KLHL23: variants seen among roughly 807,000 people sequenced by gnomAD.
The protein encoded by KLHL23 is kelch like family member 23, also known as kelch-like protein 23.
Under a neutral mutation model 48.9 loss-of-function variants are expected in KLHL23, and 33 were observed. The observed-to-expected ratio is 0.67, with a 90% confidence interval of 0.51 to 0.90. The LOEUF (loss-of-function observed/expected upper bound fraction) is 0.90, where lower values mean the gene tolerates loss of function less well. KLHL23 is among the 40% of genes least tolerant of loss of function. KLHL23 has a pLI of 0.00. For missense variants in KLHL23, 608 were observed against 669.6 expected, an observed-to-expected ratio of 0.91 and a Z score of 1.02; for synonymous variants, 234 against 231.6, an observed-to-expected ratio of 1.01 and a Z score of -0.09.
chr2:169,748,605 C>G lies in KLHL23; in HGVS notation c.1367-817C>G, dbSNP rs189411871. On this transcript the variant is annotated intron_variant, in intron 3 of 3. Coordinates refer to ENST00000392647, the MANE Select transcript of KLHL23 (RefSeq NM_144711.6). ...AAATGACTCACAGAGTTCTGCCTCC[C>G]TGCATTTTGCACCCTAAGCACTTCG... 3.6e-4 allele frequency among the ~76,000 whole-genome samples: 55 copies of G among 152,258 alleles called. 1 individual carries two copies. The highest frequency in any genetic ancestry group is 1.2e-3 in the African/African-American group (51 of 41,558).
Position 169,735,193 on chromosome 2 carries a change from A to T in KLHL23, c.179A>T (p.Asn60Ile). Residue 60 changes from asparagine to isoleucine, a missense_variant, in exon 2 of 4, where the codon AAT becomes ATT. Physicochemically the swap from Asn to Ile is moderately radical, Grantham distance 149. Coordinates refer to ENST00000392647, the MANE Select transcript of KLHL23 (RefSeq NM_144711.6). This position sits in a 1 kb window ranked among gnomAD's most constrained non-coding sequence, Gnocchi z 4.5. ...CGAGCCGTTTTAGCTGCTTGCAGCA[A>T]TTATTTTAAGGCAATGTTCACAGCT... ...CHRAVLAACSNYFKAMFTADM... is the reference protein window; with the variant it reads ...CHRAVLAACSIYFKAMFTADM... 1 of 1,610,394 alleles carries T rather than the reference A, an allele frequency of 6.2e-7. No homozygotes were observed. Among genetic ancestry groups the T allele is most frequent in the Non-Finnish European group, 8.5e-7 (1 of 1,179,212 alleles).
At chr2:169,744,951 T>A (rs1347343463) in intron 3 of KLHL23, among the ~76,000 whole-genome samples, 1 of 151,696 alleles carries the variant, frequency 6.6e-6, no homozygotes, top group Non-Finnish European at 1.5e-5. Flanking sequence ...TTGTTTTTTT[T>A]TTTTTAAAGA....
At position 169,750,060 on chromosome 2, in the gene KLHL23, G is replaced by GTGTATATATACGTTTGTATGTATACATA. The variant is rs1688927693; in HGVS notation, c.*329_*330insGTATATATACGTTTGTATGTATACATAT. On this transcript the variant is annotated 3_prime_UTR_variant, in exon 4 of 4. Transcript: ENST00000392647. The stretch of plus-strand genomic sequence containing the variant: ...GTATATATAGTATGTATGTATACAT[G>GTGTATATATACGTTTGTATGTATACATA]TATGTGTATATATACGTATGTATGT... 4.9e-5 allele frequency: 1 copy of GTGTATATATACGTTTGTATGTATACATA among 20,248 alleles called. No individual in the cohort carries two copies. The highest frequency in any genetic ancestry group is 1.5e-4 in the African/African-American group (1 of 6,552). 1.3% of individuals were successfully genotyped at this position (20,248 alleles called of 1,614,324 possible). A position where few individuals can be genotyped will look rare whatever the true frequency, so the allele number is the denominator to read the frequency against.
At chr2:169,745,513 CAAAAAA>C (rs1157957265) in intron 3 of KLHL23, among the ~76,000 whole-genome samples, 25 of 63,648 alleles carry the variant, frequency 3.9e-4, no homozygotes, top group African/African-American at 6.8e-4. Context: ...GACTCCGTCT[CAAAAAA>C]AAAAAAAAAA....
At chr2:169,747,229 T>G (rs1688811464) in intron 3 of KLHL23, among the ~76,000 whole-genome samples, 1 of 151,724 alleles carries the variant, frequency 6.6e-6, no homozygotes, top group Admixed American at 6.6e-5. Flanking sequence ...CCAGGCATGG[T>G]GGTGCGCACC....
intron 3 of KLHL23, among the ~76,000 whole-genome samples, chr2:169,743,289 A>G (rs1026535972): frequency 3.9e-5 from 6 of 152,244 alleles, no homozygotes; most frequent in African/African-American, 1.2e-4. Context: ...CAGATTTCAT[A>G]TAGCTTATTA....
At position 169,734,046 on chromosome 2, in the gene KLHL23, C is replaced by T. The variant is rs1037379752; in HGVS notation, c.-44C>T. On this transcript the variant is annotated 5_prime_UTR_variant, in exon 1 of 4. Transcript: ENST00000392647. The stretch of plus-strand genomic sequence containing the variant: ...GAGGCGTCCCCGCTCCCGCTCGCTA[C>T]TAGCCCGCGGGCCAGCGCCGCGTCC... 1 of 151,654 alleles carries T rather than the reference C, an allele frequency of 6.6e-6. No homozygotes were observed. Among genetic ancestry groups the T allele is most frequent in the Non-Finnish European group, 1.5e-5 (1 of 67,912 alleles). 9.4% of individuals were successfully genotyped at this position (151,654 alleles called of 1,614,324 possible).
intron 3 of KLHL23, among the ~76,000 whole-genome samples, chr2:169,746,962 TA>T (rs1186816188): frequency 4.6e-5 from 7 of 152,178 alleles, no homozygotes; most frequent in Admixed American, 4.6e-4. Context: ...ATTCAACATA[TA>T]AATAACTGGA....
chr2:169,749,680 A>G lies in KLHL23; in HGVS notation c.1625A>G (p.Asn542Ser), dbSNP rs1558951692. ...CTTAATAAGTGGGAAATAGTGGGTA[A>G]TCTTCCCAGTGCCATGCGGTCTCAT... is the stretch of plus-strand genomic sequence containing the variant. Reference protein sequence around the residue: ...PDLNKWEIVGNLPSAMRSHGC... With the variant: ...PDLNKWEIVGSLPSAMRSHGC... The change falls in exon 4 of 4, where the codon AAT becomes AGT. Residue 542 changes from asparagine (N) to serine (S), a missense_variant. Transcript: ENST00000392647. 15 of 1,613,762 alleles carry G rather than the reference A, an allele frequency of 9.3e-6. No individual in the cohort carries two copies. The highest frequency in any genetic ancestry group is 1.3e-5 in the Non-Finnish European group (15 of 1,179,854).
In KLHL23 at chr2:169,738,870, CCCCCTTCCCCTCCCTCT is replaced by C. The variant is rs1439050108; in HGVS notation, c.1214-2512_1214-2496del. 7.4e-3 allele frequency among the ~76,000 whole-genome samples: 11 copies of C among 1,482 alleles called. 1 individual carries two copies. The highest frequency in any genetic ancestry group is 0.013 in the Non-Finnish European group (10 of 796). The allele number at this position is 1,482 out of a possible 152,430, so 1.0% of individuals were successfully genotyped here. A position where few individuals can be genotyped will look rare whatever the true frequency, so the allele number is the denominator to read the frequency against. On this transcript the variant is annotated intron_variant, in intron 2 of 3. Coordinates refer to ENST00000392647, the MANE Select transcript of KLHL23 (RefSeq NM_144711.6). ...CCCCTTCCTCACCCTCCCCTCTCTT[CCCCCTTCCCCTCCCTCT>C]CCTCCCTATCTCCCTTTCATGTTTC...
chr2:169,746,500 A>AAC (rs1688795987), intron 3 of KLHL23, among the ~76,000 whole-genome samples: 1 of 152,200 alleles, frequency 6.6e-6, no homozygotes, highest in African/African-American at 2.4e-5. Context: ...ATTCATGTCT[A>AAC]ACATATCTGC....
intron 2 of KLHL23, among the ~76,000 whole-genome samples, chr2:169,736,674 C>G (rs188798728): frequency 3.9e-5 from 6 of 152,230 alleles, no homozygotes; most frequent in African/African-American, 1.4e-4. Flanking sequence ...GGGGCAGACA[C>G]CATACTCTCC....
chr2:169,745,283 T>C (rs930472838), intron 3 of KLHL23, among the ~76,000 whole-genome samples: 7 of 151,570 alleles, frequency 4.6e-5, no homozygotes, highest in East Asian at 2.0e-4. Context: ...GAGGCCAAGG[T>C]GGGCGGATCA....
intron 2 of KLHL23, 80 bp downstream of exon 2, chr2:169,736,307 A>G (rs1688516936): frequency 1.3e-6 from 2 of 1,497,616 alleles, no homozygotes; most frequent in Non-Finnish European, 1.8e-6. Flanking sequence ...TGAATTTATC[A>G]CTTTGGGATG....
intron 3 of KLHL23, among the ~76,000 whole-genome samples, chr2:169,745,855 T>C (rs1558949892): frequency 6.6e-6 from 1 of 152,256 alleles, no homozygotes; most frequent in Admixed American, 6.5e-5. Flanking sequence ...TTTTATAGTT[T>C]AGAGCAAAGG....
At chr2:169,740,453 C>CTT (rs35510038) in intron 2 of KLHL23, among the ~76,000 whole-genome samples, 51 of 142,390 alleles carry the variant, frequency 3.6e-4, no homozygotes, top group South Asian at 2.0e-3. Flanking sequence ...ATTCTATAAG[C>CTT]TTTTTTTTTT....
Position 169,749,731 on chromosome 2 carries a change from A to G in KLHL23, c.1676A>G (p.Ter559=), listed in dbSNP as rs767649320. The change falls in exon 4 of 4, where the codon TAA becomes TGA. Residue 559 remains the stop codon, a stop_retained_variant. Coordinates refer to ENST00000392647, the MANE Select transcript of KLHL23 (RefSeq NM_144711.6). The part of the protein sequence containing the change: ...SHGCVCVYNV[*] The stretch of plus-strand genomic sequence containing the variant: ...GGGTGTGTTTGTGTGTATAATGTCT[A>G]ATTGAATCTGCAGAAATGACCAAGC... 1.9e-6 allele frequency: 3 copies of G among 1,587,408 alleles called. No individual in the cohort carries two copies. The African/African-American group carries it at 4.0e-5, about 21-fold the overall frequency.
chr2:169,742,554 G>T (rs899213521), intron 3 of KLHL23, among the ~76,000 whole-genome samples: 4 of 152,200 alleles, frequency 2.6e-5, no homozygotes, highest in Non-Finnish European at 5.9e-5. Flanking sequence ...TAAACAATCT[G>T]TCTCTCCTTC....
intron 3 of KLHL23, among the ~76,000 whole-genome samples, chr2:169,744,962 C>G (rs1360077434): frequency 2.0e-5 from 3 of 148,880 alleles, no homozygotes; most frequent in African/African-American, 7.5e-5. Flanking sequence ...TTTTTAAAGA[C>G]AGTCTCGCTC....
Sources: gnomAD v4.1 joint callset for allele counts (sites outside exome capture counted in the v4.1 genomes callset) on GRCh38, gnomAD v4.1.1 for gene constraint, Gnocchi (gnomAD v3.1) non-coding constraint, MANE v1.5 for transcripts, NCBI Gene and HGNC (gene_info 2026-07-23, HGNC 2026-07-21) for gene names.